The following DIAPH2 variants were observed in gnomAD, a reference collection of about 807,000 sequenced individuals.
The protein encoded by DIAPH2 is protein diaphanous homolog 2.
A neutral mutation model predicts 92.7 loss-of-function variants in DIAPH2; 35 were observed. The observed-to-expected ratio is 0.38, with a 90% CI of 0.29 to 0.50. The LOEUF (loss-of-function observed/expected upper bound fraction) is 0.50, where lower values mean the gene tolerates loss of function less well. Ranked by LOEUF, DIAPH2 falls within the 20% of genes least tolerant of loss-of-function variation. The pLI, the probability that DIAPH2 is intolerant of heterozygous loss-of-function variation, is 0.94. For missense variants in DIAPH2, 701 were observed against 819.5 expected (o/e 0.86, Z 1.77); for synonymous variants, 301 against 280.4 (o/e 1.07, Z -0.73).
chrX:97,181,612 G>C (rs774321694), intron 22 of DIAPH2, among the ~76,000 whole-genome samples: 14 of 111,885 alleles, frequency 1.3e-4, no homozygotes, highest in African/African-American at 4.6e-4. Flanking sequence ...GTTTTGCCAT[G>C]TTGGTCAGGC....
chrX:96,922,775 C>T (rs778772951), intron 9 of DIAPH2, among the ~76,000 whole-genome samples: 5 of 111,832 alleles, frequency 4.5e-5, no homozygotes, highest in South Asian at 7.5e-4. Flanking sequence ...TTTTATCATG[C>T]GGAACACTTT....
chrX:96,811,545 T>C (rs2064681075), intron 4 of DIAPH2, among the ~76,000 whole-genome samples: 1 of 111,752 alleles, frequency 8.9e-6, no homozygotes, highest in Admixed American at 9.5e-5. Context: ...TGGCCAGAAC[T>C]TCCAACACTA....
At chrX:97,075,283 T>C in intron 19 of DIAPH2, 22 bp downstream of exon 19, 1 of 1,051,741 alleles carries the variant, frequency 9.5e-7, no homozygotes, top group Non-Finnish European at 1.3e-6. Context: ...ATTTTCCTTT[T>C]GAAATTCATT....
chrX:96,956,479 A>G (rs1455081439), intron 15 of DIAPH2, among the ~76,000 whole-genome samples: 2 of 111,946 alleles, frequency 1.8e-5, no homozygotes, highest in African/African-American at 6.5e-5. Flanking sequence ...GAGGGCTTGA[A>G]TTTCTCCCCA....
chrX:97,500,624 T>C (rs2070788254), intron 26 of DIAPH2, among the ~76,000 whole-genome samples: 1 of 108,501 alleles, frequency 9.2e-6, no homozygotes, highest in African/African-American at 3.3e-5. Flanking sequence ...TTCTCTGCTT[T>C]TGCGTAGAAC....
intron 23 of DIAPH2, among the ~76,000 whole-genome samples, chrX:97,257,280 G>T (rs2068245457): frequency 9.0e-6 from 1 of 111,140 alleles, no homozygotes; most frequent in Admixed American, 9.6e-5. Context: ...AAGGCTAAGG[G>T]ATTCACTAAT....
Position 96,814,969 on chromosome X carries a change from G to GT in DIAPH2, c.447+56713dup, listed in dbSNP as rs1223015488. Among the ~76,000 whole-genome samples the GT allele has an allele frequency of 2.7e-5, 3 of 112,127 alleles. No individual in the cohort carries two copies. The East Asian group carries it at 8.5e-4, about 32-fold the overall frequency. ...GGCCCCTACTCGGAGCTGTCTCCCA[G>GT]TTAGGCTACACGGGGGTCAGGGACC... On this transcript the variant is annotated intron_variant, in intron 4 of 26. Coordinates refer to ENST00000324765, the MANE Select transcript of DIAPH2 (RefSeq NM_006729.5).
chrX:96,865,363 TG>T (rs1172237566), intron 4 of DIAPH2, among the ~76,000 whole-genome samples: 1 of 111,819 alleles, frequency 8.9e-6, no homozygotes, highest in Non-Finnish European at 1.9e-5. Flanking sequence ...TGCATCATAT[TG>T]GTTGGCCAGA....
intron 5 of DIAPH2, among the ~76,000 whole-genome samples, chrX:96,894,950 G>A (rs374792168): frequency 5.9e-5 from 6 of 102,233 alleles, no homozygotes; most frequent in East Asian, 6.1e-4. Flanking sequence ...GGAAAAAATC[G>A]CATATACAGA....
At chrX:97,309,688 A>G (rs945198262) in intron 23 of DIAPH2, among the ~76,000 whole-genome samples, 3 of 112,247 alleles carry the variant, frequency 2.7e-5, no homozygotes, top group Non-Finnish European at 5.6e-5. Context: ...ATCTACAAAG[A>G]AAGTGCTATG....
chrX:96,942,036 A>G lies in DIAPH2; in HGVS notation c.1344A>G (p.Ile448Met). Residue 448 changes from isoleucine to methionine, a missense_variant, in exon 13 of 27, where the codon ATA becomes ATG. This residue lies in a region of DIAPH2 where 536 missense variants were observed against 599.3 expected (regional missense o/e 0.89). Coordinates refer to ENST00000324765, the MANE Select transcript of DIAPH2 (RefSeq NM_006729.5). ...TTTTCAGGCCACAATATTATAAAAT[A>G]ATTGAGGAATGTGTTTCACAGATAG... Reference protein sequence around the residue: ...DYYIRPQYYKIIEECVSQIVL... With the variant: ...DYYIRPQYYKMIEECVSQIVL... The G allele has an allele frequency of 8.6e-7, 1 of 1,167,665 alleles. No homozygotes were observed. The highest frequency in any genetic ancestry group is 1.2e-6 in the Non-Finnish European group (1 of 857,524).
intron 20 of DIAPH2, among the ~76,000 whole-genome samples, chrX:97,112,170 T>G (rs1040543410): frequency 8.1e-5 from 9 of 111,688 alleles, no homozygotes; most frequent in African/African-American, 2.9e-4. Context: ...CACATGATAT[T>G]GGGACCAAAG....
intron 25 of DIAPH2, among the ~76,000 whole-genome samples, chrX:97,404,561 A>G (rs763209665): frequency 1.2e-4 from 13 of 112,236 alleles, no homozygotes; most frequent in East Asian, 8.3e-4. Flanking sequence ...TTAGTATTCA[A>G]TATATTCACA....
At chrX:97,046,011 C>G (rs1405498988) in intron 17 of DIAPH2, among the ~76,000 whole-genome samples, 1 of 107,916 alleles carries the variant, frequency 9.3e-6, no homozygotes, top group African/African-American at 3.4e-5. Flanking sequence ...TGCACACCCC[C>G]ATTCCTGGCT....
intron 16 of DIAPH2, among the ~76,000 whole-genome samples, chrX:96,962,280 TATATACATATATATATATAC>T (rs1569436361): frequency 8.0e-4 from 62 of 77,884 alleles, no homozygotes; most frequent in South Asian, 2.1e-3. Context: ...TATACATATA[TATATACATATATATATATAC>T]ATATATATAT....
chrX:96,749,153 TATA>T (rs2064171239), intron 3 of DIAPH2, among the ~76,000 whole-genome samples: 1 of 95,945 alleles, frequency 1.0e-5, no homozygotes, highest in East Asian at 3.2e-4. Context: ...AAAATATATA[TATA>T]TATATATATA....
intron 7 of DIAPH2, among the ~76,000 whole-genome samples, chrX:96,914,762 A>T (rs1399109137): frequency 9.0e-6 from 1 of 110,974 alleles, no homozygotes; most frequent in Non-Finnish European, 1.9e-5. Flanking sequence ...GACTTAGATT[A>T]TTCGAAATTG....
chrX:97,190,704 A>C (rs1181011569), intron 22 of DIAPH2, among the ~76,000 whole-genome samples: 1 of 109,438 alleles, frequency 9.1e-6, no homozygotes, highest in Non-Finnish European at 1.9e-5. Flanking sequence ...AAAATTAGCC[A>C]GGTATGGTGT....
At chrX:97,282,900 A>G (rs779142581) in intron 23 of DIAPH2, among the ~76,000 whole-genome samples, 1 of 111,844 alleles carries the variant, frequency 8.9e-6, no homozygotes, top group South Asian at 3.8e-4. Flanking sequence ...TGTACATAGC[A>G]AATTTCATGT....
Sources: allele counts gnomAD v4.1 joint callset (sites outside exome capture counted in the v4.1 genomes callset), GRCh38; gene constraint gnomAD v4.1.1; regional missense constraint gnomAD v4.1.1; transcripts MANE v1.5; gene names NCBI Gene and HGNC (gene_info 2026-07-23, HGNC 2026-07-21).